XRCC4: variants seen among roughly 807,000 people sequenced by gnomAD.
The protein encoded by XRCC4 is X-ray repair cross complementing 4, also known as DNA repair protein XRCC4.
Under a neutral mutation model 39.1 loss-of-function variants are expected in XRCC4, and 28 were observed. The observed-to-expected ratio is 0.72, with a 90% CI of 0.53 to 0.98. XRCC4 has a LOEUF of 0.98. Ranked by LOEUF, XRCC4 falls within the 50% of genes least tolerant of loss-of-function variation. The probability of loss-of-function intolerance (pLI) is 0.00; values close to 1 mark genes in which losing one functional copy is unlikely to be tolerated. For missense variants in XRCC4, 350 were observed against 376.4 expected, an observed-to-expected ratio of 0.93 and a Z score of 0.58; for synonymous variants, 123 against 126.4, an observed-to-expected ratio of 0.97 and a Z score of 0.18.
At chr5:83,247,212 A>G (rs1209126032) in intron 6 of XRCC4, among the ~76,000 whole-genome samples, 1 of 152,206 alleles carries the variant, frequency 6.6e-6, no homozygotes, top group African/African-American at 2.4e-5. Context: ...GGCTATTGAC[A>G]AGGAAATCAT....
At position 83,219,369 on chromosome 5, in the gene XRCC4, G is replaced by A. The variant is rs1751995430; in HGVS notation, c.745+14448G>A. Among the ~76,000 whole-genome samples, 3 of 152,058 alleles carry A rather than the reference G, an allele frequency of 2.0e-5. No homozygotes were observed. The South Asian group carries it at 6.2e-4, about 32-fold the overall frequency. On this transcript the variant is annotated intron_variant, in intron 6 of 7. Transcript: ENST00000396027. ...ATAGGTCTATATCTTTCTGAAGCAA[G>A]GATCCAAATCAAGATGTTGGCTGGG... is the stretch of plus-strand genomic sequence containing the variant.
At chr5:83,205,508 A>G (rs1205327215) in intron 6 of XRCC4, among the ~76,000 whole-genome samples, 2 of 152,174 alleles carry the variant, frequency 1.3e-5, no homozygotes, top group Non-Finnish European at 2.9e-5. Context: ...AAAATGTTTT[A>G]TAGATTTCCT....
At chr5:83,215,858 A>G (rs1751839367) in intron 6 of XRCC4, among the ~76,000 whole-genome samples, 1 of 152,180 alleles carries the variant, frequency 6.6e-6, no homozygotes. Context: ...TAATAGCTAA[A>G]CCTATTAAAG....
intron 3 of XRCC4, among the ~76,000 whole-genome samples, chr5:83,154,593 C>A (rs1344269923): frequency 1.3e-5 from 2 of 152,170 alleles, no homozygotes; most frequent in African/African-American, 4.8e-5. Context: ...ACTATTTGTT[C>A]TTTCCCTGAG....
chr5:83,179,443 G>A (rs1750111340), intron 3 of XRCC4, among the ~76,000 whole-genome samples: 1 of 152,162 alleles, frequency 6.6e-6, no homozygotes, highest in African/African-American at 2.4e-5. Flanking sequence ...GTATATTATG[G>A]AAGTGCAGGG....
In XRCC4 at chr5:83,244,796, C is replaced by T. The variant is rs181089681; in HGVS notation, c.746-13734C>T. On this transcript the variant is annotated intron_variant, in intron 6 of 7. Coordinates refer to ENST00000396027, the MANE Select transcript of XRCC4 (RefSeq NM_003401.5). Reference sequence around the variant, plus strand: ...AGGGCTCACCTCTTGTATTTCTCTTCTTTCAGGAAGCACAGGCCTGCACAA... The same window carrying T: ...AGGGCTCACCTCTTGTATTTCTCTTTTTTCAGGAAGCACAGGCCTGCACAA... 2.7e-3 allele frequency among the ~76,000 whole-genome samples: 404 copies of T among 152,302 alleles called. 3 individuals are homozygous for T. The highest frequency in any genetic ancestry group is 9.4e-3 in the African/African-American group (391 of 41,570).
intron 2 of XRCC4, among the ~76,000 whole-genome samples, chr5:83,109,696 G>T (rs969493826): frequency 1.5e-4 from 23 of 151,862 alleles, no homozygotes; most frequent in Admixed American, 1.3e-3. Context: ...CAAAGTAATT[G>T]ATGAGAATTA....
At chr5:83,263,975 T>C (rs1318402592) in intron 7 of XRCC4, among the ~76,000 whole-genome samples, 1 of 152,108 alleles carries the variant, frequency 6.6e-6, no homozygotes, top group African/African-American at 2.4e-5. Flanking sequence ...TTTTATGGTT[T>C]TAGGTCTAAC....
At chr5:83,287,388 C>A (rs1329485625) in intron 7 of XRCC4, among the ~76,000 whole-genome samples, 1 of 151,930 alleles carries the variant, frequency 6.6e-6, no homozygotes, top group Non-Finnish European at 1.5e-5. Flanking sequence ...GCTTTCTATG[C>A]CTTATTTCAC....
rs1177027812 is a variant in XRCC4 at position 83,121,738 on chromosome 5, AT to A, written c.315+10536del. Among the ~76,000 whole-genome samples the A allele has an allele frequency of 6.6e-5, 10 of 152,076 alleles. No homozygotes were observed. In the East Asian group the frequency reaches 1.9e-3, roughly 29 times the overall value. On this transcript the variant is annotated intron_variant, in intron 3 of 7. Coordinates refer to ENST00000396027, the MANE Select transcript of XRCC4 (RefSeq NM_003401.5). ...GAACTTACTTTTTTTTCTTTTATTA[AT>A]CATGCTTTGAGATCACTTCTAATGC...
At chr5:83,280,387 C>T in intron 7 of XRCC4, 1 of 552,614 alleles carries the variant, frequency 1.8e-6, no homozygotes. Flanking sequence ...TCTTAAAATT[C>T]TTCTCTCTGA....
chr5:83,222,743 T>C (rs1752136767), intron 6 of XRCC4, among the ~76,000 whole-genome samples: 1 of 152,094 alleles, frequency 6.6e-6, no homozygotes, highest in African/African-American at 2.4e-5. Context: ...GTTTTTGCTT[T>C]TTTGTACTTT....
intron 6 of XRCC4, among the ~76,000 whole-genome samples, chr5:83,243,923 C>A (rs901010019): frequency 2.6e-5 from 4 of 152,120 alleles, no homozygotes; most frequent in African/African-American, 9.7e-5. Context: ...AACTTAGAAT[C>A]CCTGCTGCAT....
At position 83,257,525 on chromosome 5, in the gene XRCC4, A is replaced by G. The variant is rs1284071107; in HGVS notation, c.746-1005A>G. Among the ~76,000 whole-genome samples, 4 of 152,324 alleles carry G rather than the reference A, an allele frequency of 2.6e-5. No homozygotes were observed. The East Asian group carries it at 7.7e-4, about 29-fold the overall frequency. On this transcript the variant is annotated intron_variant, in intron 6 of 7. Coordinates refer to ENST00000396027, the MANE Select transcript of XRCC4 (RefSeq NM_003401.5). ...CCAGTTAGAATGGTGATCATTAAAA[A>G]GTCAGGAAACAACAGATGCTGGAGT...
chr5:83,357,285 G>C (rs79944597), downstream of XRCC4, among the ~76,000 whole-genome samples: 1,309 of 152,294 alleles, frequency 8.6e-3, 25 homozygotes, highest in East Asian at 0.071. Context: ...GAAATGAAAA[G>C]AATGGAGTAT....
chr5:83,230,255 T>C (rs1752448961), intron 6 of XRCC4, among the ~76,000 whole-genome samples: 1 of 152,020 alleles, frequency 6.6e-6, no homozygotes, highest in East Asian at 1.9e-4. Flanking sequence ...GAAACAAATT[T>C]CAAAGACTAA....
chr5:83,369,412 C>T, the XRCC4 span, among the ~76,000 whole-genome samples: 5 of 152,112 alleles, frequency 3.3e-5, no homozygotes, highest in Non-Finnish European at 7.4e-5. Context: ...CTCCCTCCCC[C>T]GTCTAGTAGT....
At chr5:83,108,704 A>G (rs560992299) in intron 2 of XRCC4, among the ~76,000 whole-genome samples, 8 of 151,998 alleles carry the variant, frequency 5.3e-5, no homozygotes, top group Non-Finnish European at 1.0e-4. Flanking sequence ...GGCCGCATTA[A>G]AGATGGCATC....
intron 6 of XRCC4, among the ~76,000 whole-genome samples, chr5:83,216,764 A>AATAT (rs200425868): frequency 1.3e-5 from 2 of 152,158 alleles, no homozygotes; most frequent in Non-Finnish European, 2.9e-5. Context: ...AGAAAAAGGG[A>AATAT]ATATATATAG....
Sources: allele counts gnomAD v4.1 joint callset (sites outside exome capture counted in the v4.1 genomes callset), GRCh38; gene constraint gnomAD v4.1.1; transcripts MANE v1.5; gene names NCBI Gene and HGNC (gene_info 2026-07-23, HGNC 2026-07-21).